SCN10A: variants seen among roughly 807,000 people sequenced by gnomAD.
SCN10A encodes sodium voltage-gated channel alpha subunit 10.
Under a neutral mutation model 170.7 loss-of-function variants are expected in SCN10A, and 162 were observed. The observed-to-expected ratio is 0.95, with a 90% CI of 0.84 to 1.08. The LOEUF is 1.08. SCN10A is among the 50% of genes least tolerant of loss of function. SCN10A has a pLI of 0.00. For synonymous variants in SCN10A, 985 were observed against 904.6 expected, an observed-to-expected ratio of 1.09 and a Z score of -1.59; for missense variants, 2,527 against 2,436.9, an observed-to-expected ratio of 1.04 and a Z score of -0.78.
In SCN10A at chr3:38,722,425, G is replaced by T; in HGVS notation, c.3353-13C>A. On this transcript the variant is annotated splice_polypyrimidine_tract_variant and intron_variant, in intron 19 of 27. Transcript: ENST00000449082. ...TGGCGAATGCATCCTGTGGGGAGAG[G>T]TGACTGATGGTGGGTGATGGCCAGT... 1 of 1,611,762 alleles carries T rather than the reference G, an allele frequency of 6.2e-7. No homozygotes were observed. The highest frequency in any genetic ancestry group is 1.1e-5 in the South Asian group (1 of 90,808).
In SCN10A at chr3:38,804,234, T is replaced by C. The variant is rs1390023815; in HGVS notation, c.-32-10192A>G. 2.0e-5 allele frequency among the ~76,000 whole-genome samples: 3 copies of C among 152,120 alleles called. No homozygotes were observed. The East Asian group carries it at 5.8e-4, about 29-fold the overall frequency. ...ACAATATTGCCTCTGTTTTTCAACT[T>C]GTTCTTTTCTCTGCTCATATTCTCT... On this transcript the variant is annotated intron_variant, in intron 1 of 27. Coordinates refer to ENST00000449082, the MANE Select transcript of SCN10A (RefSeq NM_006514.4).
intron 27 of SCN10A, among the ~76,000 whole-genome samples, chr3:38,700,935 T>A (rs2063149826): frequency 6.6e-6 from 1 of 152,242 alleles, no homozygotes; most frequent in African/African-American, 2.4e-5. Context: ...CCAGGGACAG[T>A]CTCTTGGCTG....
Position 38,714,013 on chromosome 3 carries a change from C to T in SCN10A, c.3749G>A (p.Arg1250Gln), listed in dbSNP as rs774893568. 3.6e-5 allele frequency: 58 copies of T among 1,613,980 alleles called. No individual in the cohort carries two copies. Among genetic ancestry groups the T allele is most frequent in the Admixed American group, 1.3e-4 (8 of 60,012 alleles). The part of the protein sequence containing the change: ...YSEVAPIKAL[R>Q]TLRALRPLRA... ...CAGTGGCCGCAGAGCGCGAAGGGTT[C>T]GAAGGGCTTTGATGGGAGCCACTTC... Residue 1250 changes from arginine (R) to glutamine (Q), a missense_variant, in exon 22 of 28, where the codon CGA becomes CAA. By Grantham distance (43) the Arg-to-Gln change is conservative. Coordinates refer to ENST00000449082, the MANE Select transcript of SCN10A (RefSeq NM_006514.4).
intron 5 of SCN10A, among the ~76,000 whole-genome samples, chr3:38,764,381 TC>T (rs942258157): frequency 6.6e-5 from 10 of 151,996 alleles, no homozygotes; most frequent in African/African-American, 2.4e-4. Context: ...TCACCTTTCC[TC>T]CCAAGTCCCC....
At chr3:38,736,836 G>T (rs1302751729) in intron 15 of SCN10A, among the ~76,000 whole-genome samples, 1 of 151,914 alleles carries the variant, frequency 6.6e-6, no homozygotes, top group Non-Finnish European at 1.5e-5. Flanking sequence ...TCCTGTAGGG[G>T]CAGACTGTGA....
chr3:38,767,792 T>C (rs773548355), intron 5 of SCN10A, among the ~76,000 whole-genome samples: 68 of 152,302 alleles, frequency 4.5e-4, no homozygotes, highest in Non-Finnish European at 6.8e-4. Context: ...ATTGTTTCTT[T>C]GTTGACTTTC....
At chr3:38,792,746 A>G (rs1240753803) in intron 2 of SCN10A, among the ~76,000 whole-genome samples, 5 of 89,088 alleles carry the variant, frequency 5.6e-5, no homozygotes, top group Non-Finnish European at 1.1e-4. Flanking sequence ...CCAAACATGC[A>G]TTCACCATTT....
intron 4 of SCN10A, among the ~76,000 whole-genome samples, chr3:38,785,526 A>G (rs1484387086): frequency 6.6e-6 from 1 of 152,122 alleles, no homozygotes; most frequent in African/African-American, 2.4e-5. Context: ...AACCATAAAA[A>G]CCCTAGAAGA....
chr3:38,800,908 TAAG>T (rs2064367093), intron 1 of SCN10A, among the ~76,000 whole-genome samples: 1 of 152,178 alleles, frequency 6.6e-6, no homozygotes, highest in South Asian at 2.1e-4. Context: ...GAGCAGTTTC[TAAG>T]AAGAAGACTA....
Position 38,793,749 on chromosome 3 carries a change from T to G in SCN10A, c.262A>C (p.Thr88Pro). 1.2e-6 allele frequency: 2 copies of G among 1,613,578 alleles called. No individual in the cohort carries two copies. The highest frequency in any genetic ancestry group is 1.7e-6 in the Non-Finnish European group (2 of 1,179,694). The change falls in exon 2 of 28, where the codon ACA becomes CCA. Residue 88 changes from threonine to proline, a missense_variant. Coordinates refer to ENST00000449082, the MANE Select transcript of SCN10A (RefSeq NM_006514.4). ...PLEDLDPFYS[T>P]HRTFMVLNKG... ...CTACTAGTAGCTCTTACCCGGTGTGTGCTGTAGAACGGATCTAGATCCTCC... is the reference window on the plus strand; with the variant it reads ...CTACTAGTAGCTCTTACCCGGTGTGGGCTGTAGAACGGATCTAGATCCTCC...
At chr3:38,813,773 A>G (rs2064455094) in intron 1 of SCN10A, among the ~76,000 whole-genome samples, 1 of 152,258 alleles carries the variant, frequency 6.6e-6, no homozygotes, top group Non-Finnish European at 1.5e-5. Context: ...GATGGACCAA[A>G]GTGACATTCT....
rs79696334 is a variant in SCN10A at position 38,763,250 on chromosome 3, G to A, written c.691+255C>T. ...AGTGAAGACATGCCCCTCCTGTTAC[G>A]TATTGATTGTGAGGCCATGTGGTAT... On this transcript the variant is annotated intron_variant, in intron 6 of 27. Transcript: ENST00000449082. 2.5e-3 allele frequency among the ~76,000 whole-genome samples: 373 copies of A among 152,242 alleles called. 1 individual carries two copies. Among genetic ancestry groups the A allele is most frequent in the Non-Finnish European group, 3.5e-3 (241 of 68,014 alleles).
intron 1 of SCN10A, among the ~76,000 whole-genome samples, chr3:38,795,572 T>C (rs989764623): frequency 9.9e-5 from 15 of 152,062 alleles, no homozygotes; most frequent in Non-Finnish European, 2.1e-4. Context: ...AGTTCTTATC[T>C]TGATGGTCCT....
At chr3:38,743,265 C>T (rs1248207003) in intron 13 of SCN10A, among the ~76,000 whole-genome samples, 4 of 152,182 alleles carry the variant, frequency 2.6e-5, no homozygotes, top group African/African-American at 7.2e-5. Context: ...ATTCTGTCTT[C>T]GTGCCCCACA....
intron 15 of SCN10A, among the ~76,000 whole-genome samples, chr3:38,731,557 A>G (rs1309045528): frequency 6.6e-6 from 1 of 152,226 alleles, no homozygotes; most frequent in Non-Finnish European, 1.5e-5. Flanking sequence ...AGTTTTTAGG[A>G]TAGCAGATAG....
intron 21 of SCN10A, among the ~76,000 whole-genome samples, chr3:38,717,815 C>T (rs938600321): frequency 3.3e-5 from 5 of 152,184 alleles, no homozygotes; most frequent in South Asian, 2.1e-4. Context: ...CTCAGCTATG[C>T]GGCAGTGAAC....
Position 38,697,946 on chromosome 3 carries a change from A to G in SCN10A, c.5274T>C (p.Phe1758=), listed in dbSNP as rs2063111788. Residue 1758 remains phenylalanine (F), a synonymous_variant, in exon 28 of 28, where the codon TTT becomes TTC. Transcript: ENST00000449082. ...WEKFDPEATQ[F]ITFSALSDFA... ...AGTCCGAGAGAGCAGAAAAGGTAAT[A>G]AACTGAGTGGCCTCTGGGTCAAACT... 1 of 1,614,056 alleles carries G rather than the reference A, an allele frequency of 6.2e-7. No individual in the cohort carries two copies. The highest frequency in any genetic ancestry group is 1.7e-5 in the Admixed American group (1 of 60,004).
intron 4 of SCN10A, among the ~76,000 whole-genome samples, chr3:38,782,823 T>C (rs898447588): frequency 6.6e-6 from 1 of 152,114 alleles, no homozygotes; most frequent in Non-Finnish European, 1.5e-5. Context: ...ACATGCATAA[T>C]AAAAATGTAC....
Position 38,723,493 on chromosome 3 carries a change from T to G in SCN10A, c.3289A>C (p.Ile1097Leu), listed in dbSNP as rs1397301108. 5.6e-6 allele frequency: 9 copies of G among 1,613,610 alleles called. No homozygotes were observed. The highest frequency in any genetic ancestry group is 7.6e-6 in the Non-Finnish European group (9 of 1,179,710). ...GCCAGCTCAGGGATCTTCCTCAGGA[T>G]TTCCTCAGGATCTAGGCAGTCCACC... Reference protein sequence around the residue: ...STVDCLDPEEILRKIPELADD... With the variant: ...STVDCLDPEELLRKIPELADD... The change falls in exon 19 of 28, where the codon ATC (isoleucine) becomes CTC (leucine). Residue 1097 changes from isoleucine (I) to leucine (L), a missense_variant. Transcript: ENST00000449082.
Sources: allele counts gnomAD v4.1 joint callset (sites outside exome capture counted in the v4.1 genomes callset), GRCh38; gene constraint gnomAD v4.1.1; transcripts MANE v1.5; gene names NCBI Gene and HGNC (gene_info 2026-07-23, HGNC 2026-07-21).